Variants in BIN3 observed in about 807,000 individuals in gnomAD.
BIN3 encodes the protein bridging integrator 3.
A neutral mutation model predicts 38.2 loss-of-function variants in BIN3; 41 were observed. That is an observed-to-expected ratio of 1.07 (90% CI 0.84 to 1.39). BIN3 has a LOEUF of 1.39. BIN3 is among the 40% of genes most tolerant of loss of function. The pLI, the probability that BIN3 is intolerant of heterozygous loss-of-function variation, is 0.00. For synonymous variants in BIN3, 145 were observed against 122.6 expected (o/e 1.18, Z -1.21); for missense variants, 361 against 324.3 (o/e 1.11, Z -0.87).
intron 4 of BIN3, among the ~76,000 whole-genome samples, chr8:22,630,798 G>T (rs1406984995): frequency 6.6e-6 from 1 of 152,098 alleles, no homozygotes; most frequent in African/African-American, 2.4e-5. Flanking sequence ...CAATTCTTTT[G>T]AGCCGCTTTA....
At position 22,621,117 on chromosome 8, in the gene BIN3, A is replaced by G. The variant is rs1801785678; in HGVS notation, c.*305T>C. 3.0e-6 allele frequency: 1 copy of G among 329,248 alleles called. No homozygotes were observed. The allele number at this position is 329,248 out of a possible 1,614,324, so 20.4% of individuals were successfully genotyped here. On this transcript the variant is annotated 3_prime_UTR_variant, in exon 9 of 9. Coordinates refer to ENST00000276416, the MANE Select transcript of BIN3 (RefSeq NM_018688.6). Reference sequence around the variant, plus strand: ...ACCCCCAACTTAGCCAACGAAGCCCATGGCCTCAGAAGGGCTGCAGCTTGC... The same window carrying G: ...ACCCCCAACTTAGCCAACGAAGCCCGTGGCCTCAGAAGGGCTGCAGCTTGC...
At chr8:22,644,618 A>G (rs1415455377) in intron 2 of BIN3, 137 bp downstream of exon 2, 2 of 777,322 alleles carry the variant, frequency 2.6e-6, no homozygotes, top group East Asian at 5.5e-5. Context: ...GTGAGGTTCT[A>G]GATCCGCATA....
intron 6 of BIN3, chr8:22,625,590 C>T (rs1376308619): frequency 1.7e-6 from 1 of 598,280 alleles, no homozygotes; most frequent in Admixed American, 2.8e-5. Flanking sequence ...AAGGACATGA[C>T]CAGGAATTTG....
At chr8:22,668,913 G>C (rs1803515613) in intron 1 of BIN3, 131 bp downstream of exon 1, 1 of 1,193,820 alleles carries the variant, frequency 8.4e-7, no homozygotes, top group Non-Finnish European at 1.2e-6. Context: ...TAGGGCAGGG[G>C]CTGTCGGGCC....
intron 2 of BIN3, among the ~76,000 whole-genome samples, chr8:22,641,175 A>G (rs1303990180): frequency 6.6e-6 from 1 of 152,194 alleles, no homozygotes; most frequent in Non-Finnish European, 1.5e-5. Flanking sequence ...CAAAAAGGCA[A>G]TTGGACCCCA....
rs566815865 is a variant in BIN3, at chr8:22,627,311, G to A, written c.338+2653C>T. On this transcript the variant is annotated intron_variant, in intron 6 of 8. Transcript: ENST00000276416. ...CAGCTTGTGCCAAGGTGGCTGAAGAGTAGTGGACCAGGACTCTGTCACATC... is the reference window on the plus strand; with the variant it reads ...CAGCTTGTGCCAAGGTGGCTGAAGAATAGTGGACCAGGACTCTGTCACATC... Among the ~76,000 whole-genome samples the A allele has an allele frequency of 3.9e-4, 59 of 151,932 alleles. 1 individual carries two copies. The highest frequency in any genetic ancestry group is 6.5e-4 in the Non-Finnish European group (44 of 67,916).
At chr8:22,664,731 T>C (rs1803356873) in intron 1 of BIN3, among the ~76,000 whole-genome samples, 1 of 152,248 alleles carries the variant, frequency 6.6e-6, no homozygotes, top group Non-Finnish European at 1.5e-5. Context: ...GCTGAGTGAA[T>C]TCTAGTAAGT....
At chr8:22,651,147 G>A (rs530339463) in intron 1 of BIN3, among the ~76,000 whole-genome samples, 84 of 152,306 alleles carry the variant, frequency 5.5e-4, no homozygotes, top group African/African-American at 1.9e-3. Context: ...AATGTGTCAC[G>A]CAGCAGTAAT....
chr8:22,667,673 G>A (rs1207088989), intron 1 of BIN3, among the ~76,000 whole-genome samples: 1 of 152,196 alleles, frequency 6.6e-6, no homozygotes, highest in Non-Finnish European at 1.5e-5. Flanking sequence ...TAAGGCTCCA[G>A]CCCCTTATTG....
chr8:22,659,266 A>G (rs1353324862), intron 1 of BIN3, among the ~76,000 whole-genome samples: 1 of 152,218 alleles, frequency 6.6e-6, no homozygotes, highest in Non-Finnish European at 1.5e-5. Context: ...GCCTATGACC[A>G]CAGCCTCCAG....
intron 2 of BIN3, among the ~76,000 whole-genome samples, chr8:22,643,878 C>A (rs553081505): frequency 6.6e-6 from 1 of 152,324 alleles, no homozygotes; most frequent in South Asian, 2.1e-4. Context: ...GTTGTGGTCT[C>A]CCATGTTAAA....
At chr8:22,630,233 G>C (rs1295707614) in intron 5 of BIN3, among the ~76,000 whole-genome samples, 1 of 152,212 alleles carries the variant, frequency 6.6e-6, no homozygotes, top group African/African-American at 2.4e-5. Context: ...AGTAACATGA[G>C]CTCGTGGAGC....
At chr8:22,640,966 C>T (rs748859634) in intron 2 of BIN3, among the ~76,000 whole-genome samples, 2 of 152,120 alleles carry the variant, frequency 1.3e-5, no homozygotes, top group Admixed American at 1.3e-4. Context: ...CTGCTTCCAG[C>T]GGCCGGGGTG....
chr8:22,649,855 A>C (rs954684079), intron 1 of BIN3, among the ~76,000 whole-genome samples: 236 of 135,946 alleles, frequency 1.7e-3, no homozygotes, highest in African/African-American at 6.9e-3. Flanking sequence ...ACACACACAC[A>C]CACCCCCAAA....
chr8:22,621,507 G>A lies in BIN3; in HGVS notation c.677C>T (p.Pro226Leu), dbSNP rs764862873. The change falls in exon 9 of 9, where the codon CCA becomes CTA. Residue 226 changes from proline (P) to leucine (L), a missense_variant. Transcript: ENST00000276416. ...CTCCCGCTGCTCATCGGAGTGGCCTGGCTGGTCAAGCTGATGGGACAGGTC... is the reference window on the plus strand; with the variant it reads ...CTCCCGCTGCTCATCGGAGTGGCCTAGCTGGTCAAGCTGATGGGACAGGTC... ...FGDLSHQLDQPGHSDEQRERE... is the reference protein window; with the variant it reads ...FGDLSHQLDQLGHSDEQRERE... 1 of 1,613,940 alleles carries A rather than the reference G, an allele frequency of 6.2e-7. No homozygotes were observed. The highest frequency in any genetic ancestry group is 1.1e-5 in the South Asian group (1 of 91,090).
At position 22,635,571 on chromosome 8, in the gene BIN3, C is replaced by T. The variant is rs180853634; in HGVS notation, c.160+954G>A. 4.6e-5 allele frequency among the ~76,000 whole-genome samples: 7 copies of T among 152,236 alleles called. No individual in the cohort carries two copies. The East Asian group carries it at 5.8e-4, about 13-fold the overall frequency. On this transcript the variant is annotated intron_variant, in intron 4 of 8. Coordinates refer to ENST00000276416, the MANE Select transcript of BIN3 (RefSeq NM_018688.6). ...ACGGTGATGACAGGAGCGGACACCC[C>T]GAGAGCTGACCCGTGCCAGGCCCTG...
At chr8:22,657,938 G>A (rs1803107434) in intron 1 of BIN3, among the ~76,000 whole-genome samples, 2 of 152,244 alleles carry the variant, frequency 1.3e-5, no homozygotes, top group South Asian at 2.1e-4. Context: ...GGGGTTGGCA[G>A]TGCTCCAGGG....
At chr8:22,623,732 G>C (rs553464795) in intron 8 of BIN3, among the ~76,000 whole-genome samples, 183 bp downstream of exon 8, 1 of 152,348 alleles carries the variant, frequency 6.6e-6, no homozygotes, top group East Asian at 1.9e-4. Flanking sequence ...TCTAACAGCA[G>C]ACAGGTCCCC....
At chr8:22,635,963 A>G (rs1183686716) in intron 4 of BIN3, among the ~76,000 whole-genome samples, 1 of 152,044 alleles carries the variant, frequency 6.6e-6, no homozygotes, top group Non-Finnish European at 1.5e-5. Flanking sequence ...AGAGCTCTCC[A>G]GCCAAGAAAC....
Sources: allele counts gnomAD v4.1 joint callset (sites outside exome capture counted in the v4.1 genomes callset), GRCh38; gene constraint gnomAD v4.1.1; transcripts MANE v1.5; gene names NCBI Gene and HGNC (gene_info 2026-07-23, HGNC 2026-07-21).